The following ELAVL4 variants were observed in gnomAD, a reference collection of about 807,000 sequenced individuals.
The protein encoded by ELAVL4 is ELAV like RNA binding protein 4, also known as ELAV-like protein 4.
A neutral mutation model predicts 35.6 loss-of-function variants in ELAVL4; 1 was observed. The ratio of observed to expected loss-of-function variants is 0.03; its 90% CI spans 0.01 to 0.13. The LOEUF (loss-of-function observed/expected upper bound fraction) is 0.13. Among genes scored for constraint, ELAVL4 ranks in the 10% least tolerant of loss-of-function variants. The probability of loss-of-function intolerance (pLI) is 1.00; values close to 1 mark genes in which losing one functional copy is unlikely to be tolerated. For synonymous variants in ELAVL4, 156 were observed against 171.0 expected, an observed-to-expected ratio of 0.91 and a Z score of 0.69; for missense variants, 267 against 464.9, an observed-to-expected ratio of 0.57 and a Z score of 3.91.
chr1:50,065,135 C>G (rs764607119), intron 1 of ELAVL4, among the ~76,000 whole-genome samples: 2 of 152,130 alleles, frequency 1.3e-5, no homozygotes, highest in African/African-American at 2.4e-5. Flanking sequence ...TGCTCACCCC[C>G]CACCTTTTCC....
intron 2 of ELAVL4, among the ~76,000 whole-genome samples, chr1:50,155,156 A>G (rs1675505362): frequency 7.0e-6 from 1 of 143,770 alleles, no homozygotes; most frequent in South Asian, 2.5e-4. Context: ...TATATCTCCT[A>G]ATGCTATCCC....
intron 2 of ELAVL4, 49 bp downstream of exon 2, chr1:50,145,246 T>C (rs774071478): frequency 6.2e-7 from 1 of 1,608,342 alleles, no homozygotes; most frequent in Non-Finnish European, 8.5e-7. Context: ...GTGCAGATCT[T>C]AGCAGAAATG....
intron 3 of ELAVL4, among the ~76,000 whole-genome samples, chr1:50,185,803 G>A (rs765173726): frequency 1.3e-5 from 2 of 152,066 alleles, no homozygotes; most frequent in East Asian, 1.9e-4. Flanking sequence ...ACTAAGATTC[G>A]GGCAACATAT....
intron 1 of ELAVL4, among the ~76,000 whole-genome samples, chr1:50,111,674 T>C (rs1486151930): frequency 6.6e-6 from 1 of 152,168 alleles, no homozygotes; most frequent in Non-Finnish European, 1.5e-5. Context: ...TGCCTTCCAT[T>C]TGGCATTTGG....
chr1:50,048,103 G>C (rs1437419352), exon 1 of ELAVL4: 1 of 1,455,416 alleles, frequency 6.9e-7, no homozygotes, highest in East Asian at 2.8e-5. Flanking sequence ...ACGTCTTCCC[G>C]CCCGCCGCGC....
intron 3 of ELAVL4, among the ~76,000 whole-genome samples, chr1:50,187,507 T>C (rs1682015723): frequency 6.6e-6 from 1 of 152,152 alleles, no homozygotes; most frequent in Non-Finnish European, 1.5e-5. Context: ...AACGGTCAGG[T>C]TTCAAGTCCA....
intron 3 of ELAVL4, 37 bp from the exon 4 acceptor site, chr1:50,193,728 G>A: frequency 1.3e-6 from 2 of 1,599,642 alleles, no homozygotes; most frequent in Non-Finnish European, 1.7e-6. Context: ...GAGGGTGATT[G>A]CCTATAATGG....
upstream of ELAVL4, among the ~76,000 whole-genome samples, chr1:50,106,762 T>G (rs1433461353): frequency 6.6e-6 from 1 of 152,144 alleles, no homozygotes; most frequent in East Asian, 1.9e-4. Context: ...GACTTTAAAG[T>G]GGAGGTTTGT....
At chr1:50,170,829 T>C (rs1009495198) in intron 2 of ELAVL4, among the ~76,000 whole-genome samples, 1 of 152,142 alleles carries the variant, frequency 6.6e-6, no homozygotes, top group Non-Finnish European at 1.5e-5. Context: ...GCCCAAAAGT[T>C]GGAGACCAGG....
chr1:50,097,994 G>A (rs1665789565), intron 1 of ELAVL4, among the ~76,000 whole-genome samples: 2 of 152,196 alleles, frequency 1.3e-5, no homozygotes, highest in Non-Finnish European at 2.9e-5. Flanking sequence ...TGAAGATGAT[G>A]TAAGCATTTC....
intron 1 of ELAVL4, among the ~76,000 whole-genome samples, chr1:50,072,236 T>A (rs1270687035): frequency 2.6e-5 from 4 of 152,168 alleles, no homozygotes; most frequent in African/African-American, 9.7e-5. Flanking sequence ...TGACTAAAGT[T>A]CAAACCTAAT....
intron 2 of ELAVL4, chr1:50,174,830 T>C (rs1679705600): frequency 1.3e-5 from 2 of 152,196 alleles, no homozygotes; most frequent in Admixed American, 6.5e-5. Context: ...TTTAGAAAGA[T>C]GGATAGTGTG....
intron 1 of ELAVL4, among the ~76,000 whole-genome samples, chr1:50,096,017 G>C (rs1238783922): frequency 1.3e-5 from 2 of 152,114 alleles, no homozygotes; most frequent in Non-Finnish European, 2.9e-5. Context: ...TGATTTTGTG[G>C]AAAGGTGGAT....
At chr1:50,135,930 T>C (rs2148658179) in intron 1 of ELAVL4, among the ~76,000 whole-genome samples, 1 of 152,222 alleles carries the variant, frequency 6.6e-6, no homozygotes, top group South Asian at 2.1e-4. Flanking sequence ...AGTTCCCTTT[T>C]CCTAGAGTTA....
chr1:50,094,855 G>A (rs889243807), intron 1 of ELAVL4, among the ~76,000 whole-genome samples: 1 of 152,036 alleles, frequency 6.6e-6, no homozygotes, highest in African/African-American at 2.4e-5. Flanking sequence ...TCCTGAACCC[G>A]GGAGGCAGAG....
At chr1:50,117,109 T>G (rs1307204372) in intron 1 of ELAVL4, among the ~76,000 whole-genome samples, 3 of 152,074 alleles carry the variant, frequency 2.0e-5, no homozygotes, top group African/African-American at 7.2e-5. Context: ...TGTAAATTGG[T>G]TTTATTTTGG....
rs893378663 is a variant in ELAVL4, at chr1:50,092,093, A to G, written c.18+43911A>G. Among the ~76,000 whole-genome samples the G allele has an allele frequency of 3.3e-5, 5 of 152,246 alleles. No individual in the cohort carries two copies. The East Asian group carries it at 9.6e-4, about 29-fold the overall frequency. On this transcript the variant is annotated intron_variant, in intron 1 of 6. Coordinates refer to the ELAVL4 transcript ENST00000448907. The stretch of plus-strand genomic sequence containing the variant: ...CAGGCATTGTGCTTCAGATACAGAG[A>G]TAAATAAGGGTCTTTGCCTTCACAG...
At chr1:50,078,566 G>A (rs1664867898) in intron 1 of ELAVL4, among the ~76,000 whole-genome samples, 1 of 152,178 alleles carries the variant, frequency 6.6e-6, no homozygotes, top group South Asian at 2.1e-4. Flanking sequence ...AAAGGGAACA[G>A]AGGTCTGACT....
chr1:50,064,303 A>AT (rs1355995344), intron 1 of ELAVL4, among the ~76,000 whole-genome samples: 2 of 151,956 alleles, frequency 1.3e-5, no homozygotes, highest in African/African-American at 2.4e-5. Flanking sequence ...ATTCTTACCG[A>AT]TTTTTTCCCT....
Sources: allele counts gnomAD v4.1 joint callset (sites outside exome capture counted in the v4.1 genomes callset), GRCh38; gene constraint gnomAD v4.1.1; transcripts MANE v1.5; gene names NCBI Gene and HGNC (gene_info 2026-07-23, HGNC 2026-07-21).